The following NUP133 variants were observed in gnomAD, a reference collection of about 807,000 sequenced individuals.
The protein encoded by NUP133 is nuclear pore complex protein Nup133.
Under a neutral mutation model 146.2 loss-of-function variants are expected in NUP133, and 66 were observed. That is an observed-to-expected ratio of 0.45 (90% CI 0.37 to 0.55). NUP133 has a LOEUF of 0.55. Among genes scored for constraint, NUP133 ranks in the 20% least tolerant of loss-of-function variants. The pLI is 0.00. For missense variants in NUP133, 1,277 were observed against 1,374.8 expected (o/e 0.93, Z 1.12); for synonymous variants, 521 against 498.8 (o/e 1.04, Z -0.59).
intron 12 of NUP133, among the ~76,000 whole-genome samples, chr1:229,481,737 T>C (rs1178710922): frequency 6.7e-6 from 1 of 150,092 alleles, no homozygotes; most frequent in Non-Finnish European, 1.5e-5. Flanking sequence ...TGAGGACAGC[T>C]ACGTGACAAT....
At chr1:229,469,003 C>G (rs564898424) in intron 15 of NUP133, among the ~76,000 whole-genome samples, 2 of 152,288 alleles carry the variant, frequency 1.3e-5, no homozygotes, top group Middle Eastern at 3.4e-3. Flanking sequence ...TATAGTACAT[C>G]AAACTTAGGT....
chr1:229,483,992 A>C, intron 12 of NUP133, 62 bp downstream of exon 12: 1 of 1,160,778 alleles, frequency 8.6e-7, no homozygotes, highest in South Asian at 1.3e-5. Flanking sequence ...AATAAGTAGC[A>C]CATGTCAGTA....
intron 13 of NUP133, among the ~76,000 whole-genome samples, chr1:229,476,313 C>T (rs890578593): frequency 2.0e-5 from 3 of 152,128 alleles, no homozygotes; most frequent in African/African-American, 7.2e-5. Context: ...ACAGTGCCAA[C>T]AAAAACAGTC....
intron 13 of NUP133, among the ~76,000 whole-genome samples, chr1:229,476,101 C>T (rs1409665239): frequency 1.3e-5 from 2 of 148,826 alleles, no homozygotes; most frequent in Admixed American, 6.7e-5. Flanking sequence ...GAGCGAGACT[C>T]GGTCTCAAAA....
Position 229,441,567 on chromosome 1 carries a change from T to C in NUP133, c.*337A>G, listed in dbSNP as rs772530825. ...AGCTAGTGCAATCTAGTAATTTTCA[T>C]AGTCGCAGAAACTGAGGCCTAGAAG... On this transcript the variant is annotated 3_prime_UTR_variant, in exon 26 of 26. Coordinates refer to ENST00000261396, the MANE Select transcript of NUP133 (RefSeq NM_018230.3). 9.0e-6 allele frequency: 4 copies of C among 444,316 alleles called. No individual in the cohort carries two copies. The highest frequency in any genetic ancestry group is 1.8e-5 in the Non-Finnish European group (4 of 218,050). The allele number at this position is 444,316 out of a possible 1,614,324, so 27.5% of individuals were successfully genotyped here.
rs1661528507 is a variant in NUP133 at position 229,491,938 on chromosome 1, C to T, written c.1047-1836G>A. On this transcript the variant is annotated intron_variant, in intron 8 of 25. Coordinates refer to ENST00000261396, the MANE Select transcript of NUP133 (RefSeq NM_018230.3). ...AAAACAAACATATATATTTAAAATG[C>T]TTTTTAGCCATTGGTTATAGAAATT... Among the ~76,000 whole-genome samples, 2 of 152,116 alleles carry T rather than the reference C, an allele frequency of 1.3e-5. 1 individual carries two copies. Among genetic ancestry groups the T allele is most frequent in the Admixed American group, 1.3e-4 (2 of 15,260 alleles).
chr1:229,450,125 A>G (rs562073992), intron 23 of NUP133, among the ~76,000 whole-genome samples: 1 of 150,060 alleles, frequency 6.7e-6, no homozygotes, highest in Non-Finnish European at 1.5e-5. Context: ...CAAACTCCCA[A>G]CCTCAGGTGA....
chr1:229,496,766 G>C (rs1661665873), intron 6 of NUP133, among the ~76,000 whole-genome samples: 1 of 152,170 alleles, frequency 6.6e-6, no homozygotes, highest in Non-Finnish European at 1.5e-5. Context: ...AGGCTCATTT[G>C]AGCTCAGGAG....
intron 22 of NUP133, 126 bp from the exon 23 acceptor site, chr1:229,450,731 G>GT: frequency 4.0e-6 from 2 of 496,754 alleles, no homozygotes; most frequent in Middle Eastern, 5.7e-4. Context: ...TTGTTTGTTT[G>GT]TTTGTTTTTT....
In NUP133 at chr1:229,472,707, C is replaced by T. The variant is rs6675713; in HGVS notation, c.1852-1903G>A. 2.0e-3 allele frequency among the ~76,000 whole-genome samples: 249 copies of T among 124,056 alleles called. 4 individuals are homozygous for T. The highest frequency in any genetic ancestry group is 5.1e-3 in the African/African-American group (163 of 31,954). The allele number at this position is 124,056 out of a possible 152,430, so 81.4% of individuals were successfully genotyped here. On this transcript the variant is annotated intron_variant, in intron 14 of 25. Transcript: ENST00000261396. ...CAAAAAAATTAAAAAACTAAATATA[C>T]ATATATATATATATATATATGTACA... is the stretch of plus-strand genomic sequence containing the variant.
At chr1:229,480,717 A>T (rs1459185133) in intron 12 of NUP133, among the ~76,000 whole-genome samples, 1 of 152,154 alleles carries the variant, frequency 6.6e-6, no homozygotes, top group African/African-American at 2.4e-5. Context: ...GCTGTTAAAC[A>T]GCTTACAATG....
chr1:229,493,798 C>T (rs1362813058), intron 8 of NUP133, among the ~76,000 whole-genome samples: 1 of 152,208 alleles, frequency 6.6e-6, no homozygotes, highest in African/African-American at 2.4e-5. Context: ...GCATGCTTCT[C>T]ATTCTCAACC....
At chr1:229,443,649 C>T (rs150423216) in intron 25 of NUP133, among the ~76,000 whole-genome samples, 3,000 of 151,060 alleles carry the variant, frequency 0.02, 40 homozygotes, top group Non-Finnish European at 0.031. Context: ...TCCAAAAGTA[C>T]ATTTGTCCTG....
intron 13 of NUP133, among the ~76,000 whole-genome samples, 167 bp downstream of exon 13, chr1:229,477,430 G>GAGC (rs1661103799): frequency 7.3e-6 from 1 of 136,766 alleles, no homozygotes; most frequent in Non-Finnish European, 1.5e-5. Context: ...ACAGAGCCTT[G>GAGC]CTCTGTCTCA....
intron 13 of NUP133, 29 bp from the exon 14 acceptor site, chr1:229,475,761 A>C: frequency 6.5e-7 from 1 of 1,534,272 alleles, no homozygotes; most frequent in South Asian, 1.1e-5. Context: ...AAAACTTAGA[A>C]CATAGTGGTT....
chr1:229,466,361 A>G (rs1660827835), intron 16 of NUP133, among the ~76,000 whole-genome samples: 1 of 152,178 alleles, frequency 6.6e-6, no homozygotes, highest in Non-Finnish European at 1.5e-5. Flanking sequence ...AAAATTGCAA[A>G]GATACAAACA....
Position 229,508,224 on chromosome 1 carries a change from C to G in NUP133, c.26G>C (p.Arg9Pro), listed in dbSNP as rs778724624. The change falls in exon 1 of 26, where the codon CGG becomes CCG. Residue 9 changes from arginine (R) to proline (P), a missense_variant. Transcript: ENST00000261396. The stretch of plus-strand genomic sequence containing the variant: ...CCTTCGGGACCCGGTACCCGGGGTC[C>G]GCGGAGAAGGGGCGGCTGGGAACAT... MFPAAPSP[R>P]TPGTGSRRGP... The G allele has an allele frequency of 1.9e-6, 3 of 1,543,364 alleles. No individual in the cohort carries two copies. Among genetic ancestry groups the G allele is most frequent in the Non-Finnish European group, 2.6e-6 (3 of 1,147,828 alleles).
chr1:229,485,961 G>A (rs956983479), intron 11 of NUP133, among the ~76,000 whole-genome samples: 1 of 152,102 alleles, frequency 6.6e-6, no homozygotes, highest in Non-Finnish European at 1.5e-5. Flanking sequence ...CCAGGAGTTT[G>A]AGACCAGCCT....
intron 4 of NUP133, among the ~76,000 whole-genome samples, chr1:229,500,072 G>A (rs935197882): frequency 1.3e-5 from 2 of 152,050 alleles, no homozygotes; most frequent in African/African-American, 4.8e-5. Flanking sequence ...TTTTTAAACT[G>A]CATTGTTTTC....
Sources: allele counts gnomAD v4.1 joint callset (sites outside exome capture counted in the v4.1 genomes callset), GRCh38; gene constraint gnomAD v4.1.1; transcripts MANE v1.5; gene names NCBI Gene and HGNC (gene_info 2026-07-23, HGNC 2026-07-21).